The following EBF1 variants were observed in gnomAD, a reference collection of about 807,000 sequenced individuals.
The protein encoded by EBF1 is transcription factor COE1.
A neutral mutation model predicts 68.4 loss-of-function variants in EBF1; 10 were observed. That is an observed-to-expected ratio of 0.15 (90% confidence interval 0.09 to 0.25). The LOEUF (loss-of-function observed/expected upper bound fraction) is 0.25. Among genes scored for constraint, EBF1 ranks in the 10% least tolerant of loss-of-function variants. The probability of loss-of-function intolerance (pLI) is 1.00; values close to 1 mark genes in which losing one functional copy is unlikely to be tolerated. For synonymous variants in EBF1, 298 were observed against 299.8 expected (o/e 0.99, Z 0.06); for missense variants, 509 against 794.4 (o/e 0.64, Z 4.32).
At chr5:158,746,541 C>T (rs982344193) in intron 10 of EBF1, among the ~76,000 whole-genome samples, 2 of 152,128 alleles carry the variant, frequency 1.3e-5, no homozygotes, top group Non-Finnish European at 2.9e-5. Flanking sequence ...TTCCTCTGGA[C>T]CTCTTTTTCC....
At chr5:158,741,906 A>C (rs1367829967) in intron 10 of EBF1, among the ~76,000 whole-genome samples, 2 of 152,188 alleles carry the variant, frequency 1.3e-5, no homozygotes, top group Non-Finnish European at 2.9e-5. Flanking sequence ...CTTTATATGG[A>C]TTAACCTATC....
At chr5:158,769,717 T>A (rs926784054) in intron 10 of EBF1, among the ~76,000 whole-genome samples, 1 of 151,864 alleles carries the variant, frequency 6.6e-6, no homozygotes, top group African/African-American at 2.4e-5. Flanking sequence ...AAAAATCATA[T>A]GTTGTGGAAC....
At chr5:158,739,632 G>A (rs752359184) in intron 10 of EBF1, among the ~76,000 whole-genome samples, 20 of 152,232 alleles carry the variant, frequency 1.3e-4, no homozygotes, top group South Asian at 4.1e-4. Context: ...GGATGATGGC[G>A]TTTAAATATT....
At chr5:158,794,428 G>T (rs748543431) in intron 9 of EBF1, among the ~76,000 whole-genome samples, 1 of 152,106 alleles carries the variant, frequency 6.6e-6, no homozygotes, top group African/African-American at 2.4e-5. Flanking sequence ...AAGAAAGTAG[G>T]AAAGTGAGAA....
intron 6 of EBF1, among the ~76,000 whole-genome samples, chr5:159,000,007 C>T (rs180783058): frequency 2.1e-4 from 32 of 152,258 alleles, no homozygotes; most frequent in Admixed American, 2.1e-3. Flanking sequence ...CTTTTATGGG[C>T]CATGGGGTGA....
intron 10 of EBF1, among the ~76,000 whole-genome samples, chr5:158,775,026 G>A (rs1370796646): frequency 6.7e-6 from 1 of 149,390 alleles, no homozygotes; most frequent in Non-Finnish European, 1.5e-5. Context: ...CCCACAGTTT[G>A]AGGCCAGATC....
chr5:158,751,125 A>C (rs1768792168), intron 10 of EBF1, among the ~76,000 whole-genome samples: 1 of 152,202 alleles, frequency 6.6e-6, no homozygotes. Context: ...TATATTTGTT[A>C]TGTATAGAAA....
intron 8 of EBF1, among the ~76,000 whole-genome samples, chr5:158,807,241 T>C (rs897992049): frequency 6.6e-6 from 1 of 152,062 alleles, no homozygotes; most frequent in Non-Finnish European, 1.5e-5. Flanking sequence ...ATCCCTCCAA[T>C]GAGGAGCACA....
chr5:158,977,485 T>TA (rs1757005725), intron 6 of EBF1, among the ~76,000 whole-genome samples: 1 of 152,194 alleles, frequency 6.6e-6, no homozygotes, highest in East Asian at 1.9e-4. Context: ...AAAAGGTGTT[T>TA]AAAAATGAAC....
chr5:159,029,064 A>G (rs762851895), intron 6 of EBF1, among the ~76,000 whole-genome samples: 14 of 152,234 alleles, frequency 9.2e-5, no homozygotes, highest in Non-Finnish European at 1.9e-4. Flanking sequence ...AAACCAATTG[A>G]TAAGCAAAAT....
chr5:158,941,474 G>A (rs77579246), intron 6 of EBF1, among the ~76,000 whole-genome samples: 3,573 of 152,032 alleles, frequency 0.024, 140 homozygotes, highest in African/African-American at 0.082. Flanking sequence ...AGGGGCACAC[G>A]CACACACACT....
At chr5:159,084,551 G>T in intron 5 of EBF1, 115 bp downstream of exon 5, 1 of 836,814 alleles carries the variant, frequency 1.2e-6, no homozygotes, top group Non-Finnish European at 1.7e-6. Context: ...ATTGTCTATA[G>T]AAGCAAGACA....
chr5:158,990,747 T>A (rs1760139984), intron 6 of EBF1, among the ~76,000 whole-genome samples: 1 of 152,232 alleles, frequency 6.6e-6, no homozygotes, highest in South Asian at 2.1e-4. Context: ...AAATATGTTT[T>A]CACTTTTTTA....
intron 5 of EBF1, among the ~76,000 whole-genome samples, chr5:159,084,298 A>T (rs1355343460): frequency 6.6e-6 from 1 of 152,186 alleles, no homozygotes; most frequent in Non-Finnish European, 1.5e-5. Flanking sequence ...CTCTGCTGAC[A>T]TCAATAGAAC....
chr5:158,710,875 G>A (rs1382320233), intron 14 of EBF1, among the ~76,000 whole-genome samples: 3 of 152,170 alleles, frequency 2.0e-5, no homozygotes, highest in Non-Finnish European at 4.4e-5. Context: ...ATATCTAAGA[G>A]TTTGGCCACA....
chr5:158,907,285 G>T (rs1045147005), intron 6 of EBF1, among the ~76,000 whole-genome samples: 2 of 152,210 alleles, frequency 1.3e-5, no homozygotes. Context: ...GGTGGCATTA[G>T]TATGGTGTTC....
chr5:158,947,386 G>A (rs1056541023), intron 6 of EBF1, among the ~76,000 whole-genome samples: 24 of 152,294 alleles, frequency 1.6e-4, no homozygotes, highest in African/African-American at 5.8e-4. Context: ...ATAGTATCTG[G>A]GCCAGATAGC....
intron 6 of EBF1, among the ~76,000 whole-genome samples, chr5:159,038,010 G>A (rs187888006): frequency 8.7e-4 from 132 of 152,284 alleles, no homozygotes; most frequent in South Asian, 1.9e-3. Flanking sequence ...TGGCAAGAGA[G>A]GCTGGCTGCC....
At chr5:159,095,209 TC>T (rs1449046299) in intron 4 of EBF1, among the ~76,000 whole-genome samples, 1 of 151,338 alleles carries the variant, frequency 6.6e-6, no homozygotes, top group Non-Finnish European at 1.5e-5. Flanking sequence ...CCACCCCTCC[TC>T]CGCCCCCTCA....
Sources: gnomAD v4.1 joint callset for allele counts (sites outside exome capture counted in the v4.1 genomes callset) on GRCh38, gnomAD v4.1.1 for gene constraint, MANE v1.5 for transcripts, NCBI Gene and HGNC (gene_info 2026-07-23, HGNC 2026-07-21) for gene names.